Variants in ENKUR observed in about 807,000 individuals in gnomAD.
ENKUR encodes the protein enkurin.
Under a neutral mutation model 27.6 loss-of-function variants are expected in ENKUR, and 19 were observed. The ratio of observed to expected loss-of-function variants is 0.69; its 90% CI spans 0.48 to 1.01. ENKUR has a LOEUF of 1.01. ENKUR is among the 50% of genes least tolerant of loss of function. The probability of loss-of-function intolerance (pLI) is 0.00; values close to 1 mark genes in which losing one functional copy is unlikely to be tolerated. For synonymous variants in ENKUR, 117 were observed against 96.9 expected, an observed-to-expected ratio of 1.21 and a Z score of -1.22; for missense variants, 312 against 310.5, an observed-to-expected ratio of 1.00 and a Z score of -0.04.
chr10:24,988,355 T>A, intron 4 of ENKUR, among the ~76,000 whole-genome samples: 1 of 145,308 alleles, frequency 6.9e-6, no homozygotes, highest in East Asian at 2.0e-4. Context: ...TATTTATATA[T>A]GTGTATATAT....
intron 2 of ENKUR, chr10:25,023,265 A>G: frequency 6.2e-7 from 1 of 1,613,866 alleles, no homozygotes; most frequent in Non-Finnish European, 8.5e-7. Flanking sequence ...AAAAGATAAC[A>G]CAGAAATGTT....
chr10:25,046,810 C>T (rs1851126568), intron 2 of ENKUR, among the ~76,000 whole-genome samples: 1 of 152,110 alleles, frequency 6.6e-6, no homozygotes, highest in Admixed American at 6.6e-5. Flanking sequence ...TGTTGTATCC[C>T]AGCCAAAGAG....
At chr10:24,984,697 C>T (rs778896490) in intron 5 of ENKUR, 39 bp downstream of exon 5, 5 of 1,529,430 alleles carry the variant, frequency 3.3e-6, no homozygotes, top group Non-Finnish European at 4.4e-6. Context: ...TTTTTTTCCC[C>T]TACATTGAAA....
chr10:25,013,357 T>C (rs1850494338), intron 1 of ENKUR, among the ~76,000 whole-genome samples: 1 of 152,236 alleles, frequency 6.6e-6, no homozygotes, highest in Non-Finnish European at 1.5e-5. Flanking sequence ...AATGCAAAAC[T>C]ATCTCCATAG....
intron 1 of ENKUR, among the ~76,000 whole-genome samples, chr10:25,009,406 T>C (rs2132716324): frequency 6.6e-6 from 1 of 152,266 alleles, no homozygotes; most frequent in African/African-American, 2.4e-5. Context: ...TGAAAATCAA[T>C]TAAAAAATAA....
intron 5 of ENKUR, 26 bp downstream of exon 5, chr10:24,984,710 G>A: frequency 6.4e-7 from 1 of 1,566,606 alleles, no homozygotes; most frequent in East Asian, 2.3e-5. Flanking sequence ...CATTGAAATT[G>A]TTATACTTTA....
intron 2 of ENKUR, among the ~76,000 whole-genome samples, chr10:25,038,113 C>T (rs73608229): frequency 0.028 from 4,214 of 152,200 alleles, 133 homozygotes; most frequent in African/African-American, 0.074. Flanking sequence ...TCTCTAGGTA[C>T]CATTTTTCTT....
chr10:25,029,595 A>G (rs1027367795), intron 2 of ENKUR, among the ~76,000 whole-genome samples: 4 of 152,230 alleles, frequency 2.6e-5, no homozygotes, highest in Non-Finnish European at 5.9e-5. Flanking sequence ...CCATGGAAAC[A>G]TAATACTGTT....
chr10:24,988,084 C>A (rs1228971530), intron 4 of ENKUR, among the ~76,000 whole-genome samples: 1 of 151,266 alleles, frequency 6.6e-6, no homozygotes, highest in African/African-American at 2.4e-5. Context: ...ATTAGGTGGG[C>A]GTGGTGGTGC....
chr10:24,984,938 A>C, intron 4 of ENKUR, 33 bp from the exon 5 acceptor site: 1 of 1,554,958 alleles, frequency 6.4e-7, no homozygotes. Context: ...TAAATACCAA[A>C]GCAAACTGCA....
At chr10:25,000,676 A>G (rs1333156269) in intron 1 of ENKUR, among the ~76,000 whole-genome samples, 1 of 152,042 alleles carries the variant, frequency 6.6e-6, no homozygotes, top group Admixed American at 6.6e-5. Context: ...CCATTCTTGG[A>G]CTTTCTACTT....
At chr10:25,045,721 A>T (rs1251989055) in intron 2 of ENKUR, among the ~76,000 whole-genome samples, 1 of 152,198 alleles carries the variant, frequency 6.6e-6, no homozygotes, top group Non-Finnish European at 1.5e-5. Flanking sequence ...AGCCATGAAA[A>T]GTTATAGTGA....
At chr10:25,032,323 G>GC (rs982557038) in intron 2 of ENKUR, among the ~76,000 whole-genome samples, 1 of 148,156 alleles carries the variant, frequency 6.7e-6, no homozygotes, top group African/African-American at 2.5e-5. Flanking sequence ...AAGGGGGGGG[G>GC]GCTATGATCG....
At position 25,050,741 on chromosome 10, in the gene ENKUR, G is replaced by A. The variant is rs146368853; in HGVS notation, c.37+10371C>T. On this transcript the variant is annotated intron_variant, in intron 2 of 5. Transcript: ENST00000615958. ...GTGAAACCCAGGATTAGATGCTGCGGTTTGTGGAGAATTTCTTAAAAGGAG... is the reference window on the plus strand; with the variant it reads ...GTGAAACCCAGGATTAGATGCTGCGATTTGTGGAGAATTTCTTAAAAGGAG... 2.0e-3 allele frequency among the ~76,000 whole-genome samples: 306 copies of A among 152,258 alleles called. 6 individuals are homozygous for A. Among genetic ancestry groups the A allele is most frequent in the Admixed American group, 0.012 (185 of 15,284 alleles).
intron 1 of ENKUR, among the ~76,000 whole-genome samples, chr10:25,014,119 C>T (rs1850512142): frequency 6.6e-6 from 1 of 152,120 alleles, no homozygotes; most frequent in South Asian, 2.1e-4. Flanking sequence ...TGCCTTTCAT[C>T]CGATTTTGGT....
intron 2 of ENKUR, among the ~76,000 whole-genome samples, chr10:25,056,755 T>A (rs1280815919): frequency 6.6e-6 from 1 of 152,220 alleles, no homozygotes; most frequent in African/African-American, 2.4e-5. Context: ...CAGAGACTAG[T>A]GGCCTGTGTC....
intron 2 of ENKUR, among the ~76,000 whole-genome samples, chr10:24,996,481 A>G (rs1396810234): frequency 1.3e-5 from 2 of 150,930 alleles, no homozygotes; most frequent in Admixed American, 1.3e-4. Context: ...TGAACAGTAT[A>G]TAAATACAAG....
At chr10:25,025,450 A>G in intron 2 of ENKUR, 1 of 1,594,222 alleles carries the variant, frequency 6.3e-7, no homozygotes, top group Non-Finnish European at 8.5e-7. Context: ...AAATCAATTC[A>G]TATGAAAGCT....
At chr10:25,028,257 A>C (rs1451140247) in intron 2 of ENKUR, among the ~76,000 whole-genome samples, 3 of 152,182 alleles carry the variant, frequency 2.0e-5, no homozygotes, top group Non-Finnish European at 4.4e-5. Context: ...CTCAAAACCA[A>C]CTCTGGCCCT....
Sources: allele counts gnomAD v4.1 joint callset (sites outside exome capture counted in the v4.1 genomes callset), GRCh38; gene constraint gnomAD v4.1.1; transcripts MANE v1.5; gene names NCBI Gene and HGNC (gene_info 2026-07-23, HGNC 2026-07-21).